Variants in MTHFD1 observed in about 807,000 individuals in gnomAD.
The protein encoded by MTHFD1 is methylenetetrahydrofolate dehydrogenase, cyclohydrolase and formyltetrahydrofolate synthetase 1.
In MTHFD1, 44 loss-of-function variants were observed where a neutral mutation model predicts 110.3. The observed-to-expected ratio is 0.40, with a 90% CI of 0.31 to 0.51. The LOEUF (loss-of-function observed/expected upper bound fraction) is 0.51. Ranked by LOEUF, MTHFD1 falls within the 20% of genes least tolerant of loss-of-function variation. The probability of loss-of-function intolerance (pLI) is 0.60; values close to 1 mark genes in which losing one functional copy is unlikely to be tolerated. For synonymous variants in MTHFD1, 402 were observed against 428.8 expected (o/e 0.94, Z 0.77); for missense variants, 909 against 1,173.1 (o/e 0.77, Z 3.29).
At chr14:64,434,949 CTT>C (rs374039248) in intron 15 of MTHFD1, among the ~76,000 whole-genome samples, 7,126 of 81,014 alleles carry the variant, frequency 0.088, 353 homozygotes, top group African/African-American at 0.19. Flanking sequence ...TCCCTCTTTT[CTT>C]TTTTTTTTTT....
In MTHFD1 at chr14:64,435,488, G is replaced by A. The variant is rs2078199094; in HGVS notation, c.1495-81G>A. 13 of 862,266 alleles carry A rather than the reference G, an allele frequency of 1.5e-5. No individual in the cohort carries two copies. In the Admixed American group the frequency reaches 2.0e-4, roughly 14 times the overall value. The allele number at this position is 862,266 out of a possible 1,614,324, so 53.4% of individuals were successfully genotyped here. A position where few individuals can be genotyped will look rare whatever the true frequency, so the allele number is the denominator to read the frequency against. ...TTTCCTAGAGGGGATCCCATTTAGA[G>A]GTAGGGGTCAAAATTTTTGTCTTAC... On this transcript the variant is annotated intron_variant, in intron 15 of 27. Coordinates refer to ENST00000652337, the MANE Select transcript of MTHFD1 (RefSeq NM_005956.4).
intron 12 of MTHFD1, 65 bp downstream of exon 12, chr14:64,427,538 C>A: frequency 6.6e-7 from 1 of 1,519,100 alleles, no homozygotes; most frequent in Non-Finnish European, 9.1e-7. Context: ...CCTCCCAGGC[C>A]CACGCAACCT....
intron 17 of MTHFD1, chr14:64,439,394 TGGAGGTGGA>T: frequency 1.7e-6 from 1 of 584,774 alleles, no homozygotes; most frequent in Non-Finnish European, 3.1e-6. Flanking sequence ...CATTTTTTCC[TGGAGGTGGA>T]GAGCCCCAAG....
intron 1 of MTHFD1, among the ~76,000 whole-genome samples, chr14:64,399,252 A>G (rs1479063450): frequency 1.3e-5 from 2 of 152,228 alleles, no homozygotes; most frequent in African/African-American, 4.8e-5. Flanking sequence ...AGCACTTTCT[A>G]GAAGTGTTGG....
intron 17 of MTHFD1, 46 bp from the exon 18 acceptor site, chr14:64,440,080 G>T (rs1399966937): frequency 3.8e-6 from 6 of 1,592,810 alleles, no homozygotes; most frequent in Non-Finnish European, 3.4e-6. Flanking sequence ...TCACACTTCT[G>T]GTTTAACACA....
At chr14:64,440,088 A>T (rs758759533) in intron 17 of MTHFD1, 38 bp from the exon 18 acceptor site, 1 of 1,600,068 alleles carries the variant, frequency 6.2e-7, no homozygotes, top group Non-Finnish European at 8.5e-7. Flanking sequence ...CTGGTTTAAC[A>T]CAAAGTTTTT....
At chr14:64,439,589 A>G (rs765525612) in intron 17 of MTHFD1, among the ~76,000 whole-genome samples, 18 of 152,178 alleles carry the variant, frequency 1.2e-4, no homozygotes, top group Non-Finnish European at 2.4e-4. Context: ...GTCCTACTAT[A>G]ACATTTATTT....
chr14:64,393,454 A>G (rs1566551639), intron 1 of MTHFD1, among the ~76,000 whole-genome samples: 1 of 152,180 alleles, frequency 6.6e-6, no homozygotes, highest in Non-Finnish European at 1.5e-5. Flanking sequence ...TCCAAAGTGC[A>G]GGTTGCTCAA....
intron 8 of MTHFD1, among the ~76,000 whole-genome samples, chr14:64,423,927 C>T (rs12147184): frequency 0.15 from 23,377 of 151,668 alleles, 1,916 homozygotes; most frequent in Middle Eastern, 0.23. Flanking sequence ...CGGGGTTTCA[C>T]TGTGTTAGCC....
intron 2 of MTHFD1, among the ~76,000 whole-genome samples, chr14:64,403,543 C>T (rs1418293717): frequency 6.6e-6 from 1 of 151,970 alleles, no homozygotes; most frequent in Non-Finnish European, 1.5e-5. Flanking sequence ...GCTGAGATTA[C>T]AGGTGTAAGC....
In MTHFD1 at chr14:64,396,147, AT is replaced by A. The variant is rs1441906416; in HGVS notation, c.42-4645del. Among the ~76,000 whole-genome samples, 3 of 152,076 alleles carry A rather than the reference AT, an allele frequency of 2.0e-5. No homozygotes were observed. In the East Asian group the frequency reaches 5.8e-4, roughly 29 times the overall value. ...TAAATTATAATAATTTTTTTAGTAA[AT>A]ATTCTTATGTAATAATAGTACTATT... On this transcript the variant is annotated intron_variant, in intron 1 of 27. Coordinates refer to ENST00000652337, the MANE Select transcript of MTHFD1 (RefSeq NM_005956.4).
Position 64,401,576 on chromosome 14 carries a change from G to C in MTHFD1, c.126+699G>C, listed in dbSNP as rs140892251. Among the ~76,000 whole-genome samples, 961 of 151,798 alleles carry C rather than the reference G, an allele frequency of 6.3e-3. 12 individuals carry two copies. The highest frequency in any genetic ancestry group is 0.022 in the African/African-American group (926 of 41,414). ...AAATTAGCTGGGCGTGGTGGTGGGCGCCTGTAATCCCAGCTACTCTGGAGG... is the reference window on the plus strand; with the variant it reads ...AAATTAGCTGGGCGTGGTGGTGGGCCCCTGTAATCCCAGCTACTCTGGAGG... On this transcript the variant is annotated intron_variant, in intron 2 of 27. Transcript: ENST00000652337.
rs540384964 is a variant in MTHFD1 at position 64,444,674 on chromosome 14, CTG to C, written c.2137-17_2137-16del. The C allele has an allele frequency of 2.0e-4, 323 of 1,614,080 alleles. No individual in the cohort carries two copies. The East Asian group carries it at 6.1e-3, about 30-fold the overall frequency. Reference sequence around the variant, plus strand: ...ATTTAAATAGGAAATGCCTCTGACTCTGTTTCTTTTCCTTCCAGGTCACTGCT... The same window carrying C: ...ATTTAAATAGGAAATGCCTCTGACTCTTTCTTTTCCTTCCAGGTCACTGCT... On this transcript the variant is annotated splice_polypyrimidine_tract_variant and intron_variant, in intron 21 of 27. Transcript: ENST00000652337.
At chr14:64,447,166 T>A (rs2140979502) in intron 22 of MTHFD1, among the ~76,000 whole-genome samples, 1 of 139,206 alleles carries the variant, frequency 7.2e-6, no homozygotes, top group East Asian at 2.1e-4. Flanking sequence ...TTTTTTTTTT[T>A]TTTTTTTTGA....
At chr14:64,457,274 C>CCT (rs2078489762) in intron 26 of MTHFD1, among the ~76,000 whole-genome samples, 1 of 152,140 alleles carries the variant, frequency 6.6e-6, no homozygotes, top group Non-Finnish European at 1.5e-5. Context: ...CCCTGTACCT[C>CCT]CTTTTGGTCT....
At chr14:64,413,275 C>A (rs928253651) in intron 4 of MTHFD1, among the ~76,000 whole-genome samples, 1 of 152,050 alleles carries the variant, frequency 6.6e-6, no homozygotes, top group African/African-American at 2.4e-5. Flanking sequence ...TCACTTGAAC[C>A]CGGGAGGCGG....
chr14:64,449,946 G>A (rs2078343780), intron 24 of MTHFD1, among the ~76,000 whole-genome samples: 2 of 152,166 alleles, frequency 1.3e-5, no homozygotes, highest in South Asian at 4.2e-4. Flanking sequence ...CTGCCACCGT[G>A]CCCAGCTAAT....
chr14:64,439,657 T>A (rs1446942693), intron 17 of MTHFD1, among the ~76,000 whole-genome samples: 1 of 152,012 alleles, frequency 6.6e-6, no homozygotes, highest in Non-Finnish European at 1.5e-5. Context: ...TCCCAGCACT[T>A]TGGGAGGCCG....
rs191882335 is a variant in MTHFD1, at chr14:64,421,777, C to T, written c.727+1852C>T. On this transcript the variant is annotated intron_variant, in intron 8 of 27. Coordinates refer to ENST00000652337, the MANE Select transcript of MTHFD1 (RefSeq NM_005956.4). ...TAGCTGGGACTACAGGCGCCCGCCA[C>T]CACGCCCGGCTAATTTTTTTTGTAT... 7.2e-3 allele frequency among the ~76,000 whole-genome samples: 1,090 copies of T among 152,206 alleles called. 14 individuals carry two copies. Among genetic ancestry groups the T allele is most frequent in the African/African-American group, 0.025 (1,021 of 41,540 alleles).
Sources: allele counts gnomAD v4.1 joint callset (sites outside exome capture counted in the v4.1 genomes callset), GRCh38; gene constraint gnomAD v4.1.1; transcripts MANE v1.5; gene names NCBI Gene and HGNC (gene_info 2026-07-23, HGNC 2026-07-21).